CDKAL1: variants seen among roughly 807,000 people sequenced by gnomAD.
CDKAL1 encodes CDKAL1 threonylcarbamoyladenosine tRNA methylthiotransferase, also known as threonylcarbamoyladenosine tRNA methylthiotransferase.
A neutral mutation model predicts 68.2 loss-of-function variants in CDKAL1; 32 were observed. The observed-to-expected ratio is 0.47, with a 90% confidence interval of 0.35 to 0.63. The LOEUF is 0.63. CDKAL1 is among the 30% of genes least tolerant of loss of function. The pLI is 0.00. For missense variants in CDKAL1, 606 were observed against 696.7 expected (o/e 0.87, Z 1.47); for synonymous variants, 234 against 244.3 (o/e 0.96, Z 0.39).
intron 5 of CDKAL1, among the ~76,000 whole-genome samples, chr6:20,656,828 G>A (rs546546244): frequency 1.1e-4 from 17 of 152,130 alleles, no homozygotes; most frequent in African/African-American, 3.6e-4. Context: ...GCAAGCACAG[G>A]TTCCTTTAAT....
intron 4 of CDKAL1, among the ~76,000 whole-genome samples, chr6:20,563,981 T>A (rs992584533): frequency 6.6e-6 from 1 of 152,226 alleles, no homozygotes; most frequent in Admixed American, 6.5e-5. Context: ...CAATCATTTT[T>A]AACTGAGGGA....
intron 5 of CDKAL1, among the ~76,000 whole-genome samples, chr6:20,703,634 A>G (rs1771472482): frequency 2.0e-5 from 3 of 152,182 alleles, no homozygotes; most frequent in Admixed American, 2.0e-4. Flanking sequence ...ATTGAGCTAT[A>G]ATTTTAGTAT....
intron 13 of CDKAL1, among the ~76,000 whole-genome samples, chr6:21,129,555 C>T (rs747727562): frequency 9.9e-5 from 15 of 151,960 alleles, no homozygotes; most frequent in Admixed American, 1.3e-4. Context: ...AGTTCCTGCA[C>T]CTTAGAATTT....
chr6:20,782,408 A>C (rs1295179023), intron 8 of CDKAL1, among the ~76,000 whole-genome samples: 2 of 152,186 alleles, frequency 1.3e-5, no homozygotes. Context: ...TTGTCGCTTG[A>C]CTGGAGTACC....
chr6:20,574,475 T>C (rs982281937), intron 4 of CDKAL1, among the ~76,000 whole-genome samples: 2 of 152,208 alleles, frequency 1.3e-5, no homozygotes, highest in Non-Finnish European at 2.9e-5. Flanking sequence ...TACTGTGATA[T>C]CCACTCCTTG....
chr6:21,077,205 C>T (rs1187131013), intron 12 of CDKAL1, among the ~76,000 whole-genome samples: 1 of 151,990 alleles, frequency 6.6e-6, no homozygotes, highest in Non-Finnish European at 1.5e-5. Context: ...CTACATTTCC[C>T]ATTCTTTCAC....
chr6:20,802,892 A>G (rs1414044294), intron 8 of CDKAL1, among the ~76,000 whole-genome samples: 1 of 152,208 alleles, frequency 6.6e-6, no homozygotes, highest in African/African-American at 2.4e-5. Context: ...GAAGGAGAAG[A>G]GTACTGCTGA....
chr6:20,577,162 G>A (rs1764948826), intron 4 of CDKAL1, among the ~76,000 whole-genome samples: 1 of 152,218 alleles, frequency 6.6e-6, no homozygotes, highest in Non-Finnish European at 1.5e-5. Context: ...AGAGCTGTAA[G>A]TGGGGAAGGC....
At chr6:20,672,462 C>T (rs2127782200) in intron 5 of CDKAL1, among the ~76,000 whole-genome samples, 1 of 152,084 alleles carries the variant, frequency 6.6e-6, no homozygotes, top group East Asian at 1.9e-4. Context: ...TCAAGCGATT[C>T]ATGTGCCTCA....
intron 9 of CDKAL1, among the ~76,000 whole-genome samples, chr6:20,921,224 A>G (rs536307323): frequency 6.6e-6 from 1 of 152,244 alleles, no homozygotes; most frequent in Non-Finnish European, 1.5e-5. Context: ...AGGTCAAGAG[A>G]TCAAGACCAA....
chr6:20,904,220 T>C (rs1581799260), intron 9 of CDKAL1, among the ~76,000 whole-genome samples: 1 of 152,126 alleles, frequency 6.6e-6, no homozygotes, highest in South Asian at 2.1e-4. Context: ...CTTTAACTGA[T>C]GTGAGTTTCA....
At chr6:21,132,513 A>G (rs1775380608) in intron 13 of CDKAL1, among the ~76,000 whole-genome samples, 1 of 149,390 alleles carries the variant, frequency 6.7e-6, no homozygotes, top group South Asian at 2.1e-4. Context: ...GTTAATATGT[A>G]GTCATTCCTT....
intron 5 of CDKAL1, among the ~76,000 whole-genome samples, chr6:20,674,675 G>C (rs141205262): frequency 6.6e-6 from 1 of 152,230 alleles, no homozygotes; most frequent in Non-Finnish European, 1.5e-5. Flanking sequence ...TAGAACACTA[G>C]AACTTATTCC....
intron 11 of CDKAL1, among the ~76,000 whole-genome samples, chr6:21,028,718 C>T (rs1769095939): frequency 1.3e-5 from 2 of 152,310 alleles, no homozygotes; most frequent in South Asian, 4.1e-4. Context: ...ACAATCCATT[C>T]ATAACAGCTA....
intron 10 of CDKAL1, chr6:20,993,644 A>G (rs1025540313): frequency 1.3e-5 from 2 of 152,240 alleles, no homozygotes; most frequent in East Asian, 1.9e-4. Flanking sequence ...TTTGATGACT[A>G]TAGGGCAATA....
At chr6:21,033,246 G>A (rs1427648479) in intron 11 of CDKAL1, among the ~76,000 whole-genome samples, 1 of 152,144 alleles carries the variant, frequency 6.6e-6, no homozygotes, top group Non-Finnish European at 1.5e-5. Flanking sequence ...ATAGGATAAG[G>A]TGATGAGAAC....
At chr6:20,613,026 CACACACACACACACACACAA>C (rs1322258630) in intron 4 of CDKAL1, among the ~76,000 whole-genome samples, 2 of 148,038 alleles carry the variant, frequency 1.4e-5, no homozygotes, top group South Asian at 2.1e-4. Context: ...CACACACACA[CACACACACACACACACACAA>C]AGGGTATGGA....
At chr6:20,657,657 C>CT (rs1769088132) in intron 5 of CDKAL1, among the ~76,000 whole-genome samples, 1 of 152,062 alleles carries the variant, frequency 6.6e-6, no homozygotes, top group Non-Finnish European at 1.5e-5. Context: ...AGAAATTGTG[C>CT]ATTTGTGACA....
At chr6:21,003,371 T>TATATAATATATATACAC in intron 11 of CDKAL1, among the ~76,000 whole-genome samples, 2 of 49,312 alleles carry the variant, frequency 4.1e-5, no homozygotes, top group Admixed American at 5.7e-4. Flanking sequence ...TATATATATA[T>TATATAATATATATACAC]ACACACACAC....
Sources: allele counts gnomAD v4.1 joint callset (sites outside exome capture counted in the v4.1 genomes callset), GRCh38; gene constraint gnomAD v4.1.1; transcripts MANE v1.5; gene names NCBI Gene and HGNC (gene_info 2026-07-23, HGNC 2026-07-21).